The following MARCHF3 variants were observed in gnomAD, a reference collection of about 807,000 sequenced individuals.
MARCHF3 encodes the protein membrane associated ring-CH-type finger 3.
A neutral mutation model predicts 24.2 loss-of-function variants in MARCHF3; 13 were observed. That is an observed-to-expected ratio of 0.54 (90% CI 0.35 to 0.85). MARCHF3 has a LOEUF of 0.85. Ranked by LOEUF, MARCHF3 falls within the 40% of genes least tolerant of loss-of-function variation. The probability of loss-of-function intolerance (pLI) is 0.01; values close to 1 mark genes in which losing one functional copy is unlikely to be tolerated. For missense variants in MARCHF3, 276 were observed against 325.0 expected, an observed-to-expected ratio of 0.85 and a Z score of 1.16; for synonymous variants, 144 against 137.3, an observed-to-expected ratio of 1.05 and a Z score of -0.34.
chr5:126,989,626 G>A (rs1178856382), intron 1 of MARCHF3, among the ~76,000 whole-genome samples: 1 of 152,142 alleles, frequency 6.6e-6, no homozygotes, highest in Non-Finnish European at 1.5e-5. Context: ...CCCTCAGCTG[G>A]GGAGTGAGAT....
At chr5:126,954,143 C>T (rs1033414415) in intron 1 of MARCHF3, among the ~76,000 whole-genome samples, 5 of 151,918 alleles carry the variant, frequency 3.3e-5, no homozygotes. Context: ...CGCCATTCTC[C>T]TGCCTCACCC....
intron 4 of MARCHF3, among the ~76,000 whole-genome samples, chr5:126,871,711 T>TC (rs1230012824): frequency 6.9e-6 from 1 of 145,956 alleles, no homozygotes; most frequent in Non-Finnish European, 1.5e-5. Flanking sequence ...AGCCTCTCTC[T>TC]CTTTTTTTTT....
intron 1 of MARCHF3, among the ~76,000 whole-genome samples, chr5:126,924,417 A>C (rs1749227205): frequency 6.6e-6 from 1 of 152,224 alleles, no homozygotes; most frequent in South Asian, 2.1e-4. Flanking sequence ...GGGAAAAAAA[A>C]TGGCAATAAT....
At chr5:127,009,947 C>T (rs1023623632) in intron 1 of MARCHF3, among the ~76,000 whole-genome samples, 1 of 152,188 alleles carries the variant, frequency 6.6e-6, no homozygotes, top group Non-Finnish European at 1.5e-5. Flanking sequence ...AATAAACAGA[C>T]TGGAAAGATG....
At chr5:126,969,282 T>C (rs1306460817) in intron 1 of MARCHF3, among the ~76,000 whole-genome samples, 1 of 152,206 alleles carries the variant, frequency 6.6e-6, no homozygotes, top group Admixed American at 6.5e-5. Flanking sequence ...AACATATATA[T>C]GTTGGATGAT....
Position 127,014,228 on chromosome 5 carries a change from T to C in MARCHF3, c.-57+16122A>G, listed in dbSNP as rs1160801538. Among the ~76,000 whole-genome samples, 3 of 152,008 alleles carry C rather than the reference T, an allele frequency of 2.0e-5. No individual in the cohort carries two copies. In the East Asian group the frequency reaches 5.8e-4, roughly 29 times the overall value. ...AAAATCAAATAATCCAATTTAAAAA[T>C]GAGCCAACAGGTATATGGAAAAATG... is the stretch of plus-strand genomic sequence containing the variant. On this transcript the variant is annotated intron_variant, in intron 1 of 4. Transcript: ENST00000308660.
chr5:126,925,977 A>G (rs1276247819), intron 1 of MARCHF3, among the ~76,000 whole-genome samples: 4 of 152,240 alleles, frequency 2.6e-5, no homozygotes, highest in Admixed American at 2.6e-4. Context: ...CTCAGTCACA[A>G]TGAAAGCTAA....
At chr5:126,876,941 C>T (rs907319802) in intron 4 of MARCHF3, among the ~76,000 whole-genome samples, 14 of 152,124 alleles carry the variant, frequency 9.2e-5, no homozygotes, top group Non-Finnish European at 1.8e-4. Flanking sequence ...TGAGCCACCG[C>T]GCCCAGCTGG....
At chr5:127,000,825 C>A (rs545323759) in intron 1 of MARCHF3, among the ~76,000 whole-genome samples, 19 of 152,160 alleles carry the variant, frequency 1.2e-4, no homozygotes, top group Non-Finnish European at 2.6e-4. Context: ...CGCCACCACG[C>A]CCGGCTAATT....
intron 3 of MARCHF3, among the ~76,000 whole-genome samples, chr5:126,900,310 C>T (rs944963585): frequency 4.6e-5 from 7 of 152,060 alleles, no homozygotes; most frequent in African/African-American, 1.7e-4. Flanking sequence ...TTGTGTCCTC[C>T]AAAATTCATA....
At chr5:126,963,329 G>C (rs576357258) in intron 1 of MARCHF3, among the ~76,000 whole-genome samples, 72 of 152,128 alleles carry the variant, frequency 4.7e-4, no homozygotes, top group African/African-American at 1.6e-3. Context: ...ATAAACTAGA[G>C]TAATTATACA....
chr5:126,968,486 A>G (rs1750891211), intron 1 of MARCHF3, among the ~76,000 whole-genome samples: 1 of 152,234 alleles, frequency 6.6e-6, no homozygotes. Flanking sequence ...TAATGACTAA[A>G]GAGGCTGAGC....
At chr5:126,962,244 A>C (rs1541442) in intron 1 of MARCHF3, among the ~76,000 whole-genome samples, 7,249 of 150,594 alleles carry the variant, frequency 0.048, 188 homozygotes, top group East Asian at 0.11. Flanking sequence ...CTCTCTCTCT[A>C]TATATATATA....
intron 1 of MARCHF3, among the ~76,000 whole-genome samples, chr5:126,972,445 G>A (rs1221929507): frequency 3.3e-5 from 5 of 152,152 alleles, no homozygotes; most frequent in African/African-American, 1.2e-4. Flanking sequence ...AGGAAGTTCT[G>A]TGTTACAAGT....
Position 126,954,304 on chromosome 5 carries a change from C to G in MARCHF3, c.-56-36077G>C, listed in dbSNP as rs972825007. 2.6e-5 allele frequency among the ~76,000 whole-genome samples: 4 copies of G among 151,772 alleles called. No individual in the cohort carries two copies. The South Asian group carries it at 6.3e-4, about 24-fold the overall frequency. Reference sequence around the variant, plus strand: ...GACCTCGTGATCCGCCCGCCTCGGCCTCCCAAAGTGCTGAGATTACAGGCG... The same window carrying G: ...GACCTCGTGATCCGCCCGCCTCGGCGTCCCAAAGTGCTGAGATTACAGGCG... On this transcript the variant is annotated intron_variant, in intron 1 of 4. Coordinates refer to ENST00000308660, the MANE Select transcript of MARCHF3 (RefSeq NM_178450.5).
intron 1 of MARCHF3, among the ~76,000 whole-genome samples, chr5:126,994,351 G>A (rs1193910933): frequency 6.6e-6 from 1 of 152,206 alleles, no homozygotes; most frequent in Non-Finnish European, 1.5e-5. Context: ...GCTGGAGGTG[G>A]TGAAAGGGTT....
At chr5:126,913,977 T>C (rs10055344) in intron 3 of MARCHF3, among the ~76,000 whole-genome samples, 1,823 of 108,204 alleles carry the variant, frequency 0.017, 9 homozygotes, top group Non-Finnish European at 0.023. Context: ...AATATCCAAC[T>C]TTTTTTTTTT....
intron 4 of MARCHF3, among the ~76,000 whole-genome samples, chr5:126,874,863 G>A (rs1554119270): frequency 6.6e-6 from 1 of 152,176 alleles, no homozygotes; most frequent in Non-Finnish European, 1.5e-5. Context: ...GCCCCACAGT[G>A]AGCCTTGTTG....
intron 1 of MARCHF3, among the ~76,000 whole-genome samples, chr5:126,925,547 A>G (rs1253069283): frequency 1.3e-5 from 2 of 152,226 alleles, no homozygotes; most frequent in Admixed American, 1.3e-4. Flanking sequence ...TTTGGAGGCT[A>G]TCCATTTTTC....
Sources: gnomAD v4.1 joint callset for allele counts (sites outside exome capture counted in the v4.1 genomes callset) on GRCh38, gnomAD v4.1.1 for gene constraint, MANE v1.5 for transcripts, NCBI Gene and HGNC (gene_info 2026-07-23, HGNC 2026-07-21) for gene names.